Variants in MINDY3 observed in about 807,000 individuals in gnomAD.
The protein encoded by MINDY3 is MINDY lysine 48 deubiquitinase 3.
MINDY3 carries 38 observed loss-of-function variants against 69.2 expected under a neutral mutation model. The ratio of observed to expected loss-of-function variants is 0.55; its 90% CI spans 0.42 to 0.72. MINDY3 has a LOEUF of 0.72. Ranked by LOEUF, MINDY3 falls within the 30% of genes least tolerant of loss-of-function variation. MINDY3 has a pLI of 0.00. For missense variants in MINDY3, 522 were observed against 519.0 expected (o/e 1.01, Z -0.06); for synonymous variants, 192 against 180.1 (o/e 1.07, Z -0.53).
At chr10:15,849,288 G>T (rs1472994905) in intron 1 of MINDY3, among the ~76,000 whole-genome samples, 1 of 152,124 alleles carries the variant, frequency 6.6e-6, no homozygotes, top group African/African-American at 2.4e-5. Flanking sequence ...ATAAATCAGA[G>T]AAAATTTAAC....
chr10:15,807,451 CA>C (rs1838714997), intron 10 of MINDY3, among the ~76,000 whole-genome samples: 1 of 152,164 alleles, frequency 6.6e-6, no homozygotes, highest in African/African-American at 2.4e-5. Context: ...AAAGCATGTG[CA>C]AACACACACA....
At chr10:15,811,988 T>C (rs1839033817) in intron 10 of MINDY3, among the ~76,000 whole-genome samples, 1 of 152,078 alleles carries the variant, frequency 6.6e-6, no homozygotes, top group Non-Finnish European at 1.5e-5. Flanking sequence ...TTCACCCAGG[T>C]TGGAGTGAAG....
rs941742122 is a variant in MINDY3 at position 15,834,429 on chromosome 10, G to A, written c.650+114C>T. The A allele has an allele frequency of 6.0e-6, 4 of 669,514 alleles. No homozygotes were observed. The African/African-American group carries it at 7.2e-5, about 12-fold the overall frequency. 41.5% of individuals were successfully genotyped at this position (669,514 alleles called of 1,614,324 possible). A position where few individuals can be genotyped will look rare whatever the true frequency, so the allele number is the denominator to read the frequency against. On this transcript the variant is annotated intron_variant, in intron 7 of 14. Coordinates refer to ENST00000277632, the MANE Select transcript of MINDY3 (RefSeq NM_024948.4). Reference sequence around the variant, plus strand: ...AGAAGTGCTCAAATCCATACATGTTGTACTGTCAACACTACTGACAAACAA... The same window carrying A: ...AGAAGTGCTCAAATCCATACATGTTATACTGTCAACACTACTGACAAACAA...
chr10:15,853,005 G>A (rs1490697788), intron 1 of MINDY3, among the ~76,000 whole-genome samples: 1 of 152,094 alleles, frequency 6.6e-6, no homozygotes, highest in Non-Finnish European at 1.5e-5. Flanking sequence ...GAAGTCGTGT[G>A]TAGGTTATAT....
chr10:15,803,828 C>A (rs1018893671), intron 10 of MINDY3, among the ~76,000 whole-genome samples: 1 of 152,052 alleles, frequency 6.6e-6, no homozygotes, highest in African/African-American at 2.4e-5. Flanking sequence ...CTACACTCCC[C>A]CACCACACAC....
intron 5 of MINDY3, chr10:15,837,720 T>G (rs1408457675): frequency 1.9e-6 from 2 of 1,062,790 alleles, no homozygotes; most frequent in African/African-American, 3.4e-5. Context: ...AAAGATAACT[T>G]ACACATTTGC....
chr10:15,799,359 C>T (rs909225704), intron 10 of MINDY3, among the ~76,000 whole-genome samples: 7 of 152,080 alleles, frequency 4.6e-5, no homozygotes, highest in Non-Finnish European at 7.4e-5. Flanking sequence ...CCACCATGCC[C>T]GGCTAATTTT....
At chr10:15,792,479 A>T (rs1837493489) in intron 11 of MINDY3, among the ~76,000 whole-genome samples, 2 of 152,146 alleles carry the variant, frequency 1.3e-5, no homozygotes, top group South Asian at 2.1e-4. Context: ...GGGATGCCTG[A>T]CAGAAACAGT....
At chr10:15,834,338 C>G (rs377302241) in intron 7 of MINDY3, among the ~76,000 whole-genome samples, 60 of 151,968 alleles carry the variant, frequency 3.9e-4, no homozygotes, top group African/African-American at 1.3e-3. Context: ...AAATATTTGC[C>G]CCAATAAATG....
intron 12 of MINDY3, among the ~76,000 whole-genome samples, chr10:15,788,186 A>G (rs1299697232): frequency 6.6e-6 from 1 of 152,140 alleles, no homozygotes; most frequent in African/African-American, 2.4e-5. Flanking sequence ...CATGGTCTCT[A>G]CTTGGAAATA....
At chr10:15,784,459 A>G (rs956858686) in intron 13 of MINDY3, among the ~76,000 whole-genome samples, 5 of 152,146 alleles carry the variant, frequency 3.3e-5, no homozygotes, top group Non-Finnish European at 5.9e-5. Flanking sequence ...ATAAATGTTT[A>G]CTGGGCCTCG....
In MINDY3 at chr10:15,853,031, C is replaced by T. The variant is rs184688959; in HGVS notation, c.95-5088G>A. On this transcript the variant is annotated intron_variant, in intron 1 of 14. Coordinates refer to ENST00000277632, the MANE Select transcript of MINDY3 (RefSeq NM_024948.4). Reference sequence around the variant, plus strand: ...TAGGTTATATGCAAATACTGCAGAGCGTCTATGGATTTTGGTATCTGCAGG... The same window carrying T: ...TAGGTTATATGCAAATACTGCAGAGTGTCTATGGATTTTGGTATCTGCAGG... 4.0e-3 allele frequency among the ~76,000 whole-genome samples: 605 copies of T among 152,122 alleles called. 6 individuals carry two copies. Among genetic ancestry groups the T allele is most frequent in the African/African-American group, 0.013 (534 of 41,468 alleles).
chr10:15,852,299 G>C (rs1289619670), intron 1 of MINDY3, among the ~76,000 whole-genome samples: 5 of 152,156 alleles, frequency 3.3e-5, no homozygotes, highest in Non-Finnish European at 1.5e-5. Context: ...GATAATGGCA[G>C]TGTTTGTTTC....
At chr10:15,781,014 G>A (rs950434150) in intron 14 of MINDY3, among the ~76,000 whole-genome samples, 1 of 152,074 alleles carries the variant, frequency 6.6e-6, no homozygotes, top group Non-Finnish European at 1.5e-5. Flanking sequence ...GATTGTGTAG[G>A]TGAATAATTA....
intron 5 of MINDY3, chr10:15,837,755 T>G (rs1291151577): frequency 9.6e-7 from 1 of 1,038,142 alleles, no homozygotes; most frequent in African/African-American, 1.7e-5. Flanking sequence ...GAAATTAATG[T>G]TACATTTTAA....
rs1165798296 is a variant in MINDY3, at chr10:15,847,922, T to C, written c.116A>G (p.Glu39Gly). The C allele has an allele frequency of 6.2e-7, 1 of 1,613,802 alleles. No individual in the cohort carries two copies. The highest frequency in any genetic ancestry group is 8.5e-7 in the Non-Finnish European group (1 of 1,179,848). The change falls in exon 2 of 15, where the codon GAG (glutamate) becomes GGG (glycine). Residue 39 changes from glutamate to glycine, a missense_variant. Physicochemically the swap from Glu to Gly is moderately conservative, Grantham distance 98 (BLOSUM62 -2). Transcript: ENST00000277632. ...TTCAAACTGTTCTAATGCAGATCCC[T>C]CTGATTCACTAAACACAAACCCTAA... ...WTQGFVFSES[E>G]GSALEQFEGG...
chr10:15,785,036 C>G (rs568562097), intron 13 of MINDY3, among the ~76,000 whole-genome samples: 2 of 152,254 alleles, frequency 1.3e-5, no homozygotes, highest in Admixed American at 6.5e-5. Context: ...CACATTGCTG[C>G]ACCCACCCTT....
chr10:15,840,166 T>C (rs1588630339), intron 4 of MINDY3, among the ~76,000 whole-genome samples: 2 of 151,666 alleles, frequency 1.3e-5, no homozygotes, highest in African/African-American at 4.8e-5. Context: ...AATTTTAATA[T>C]CCTAAATGAA....
chr10:15,795,466 G>A (rs185231940), intron 11 of MINDY3, among the ~76,000 whole-genome samples: 23 of 152,138 alleles, frequency 1.5e-4, no homozygotes, highest in East Asian at 1.2e-3. Flanking sequence ...ACGGTACTTC[G>A]TAAGGGAACT....
Sources: allele counts gnomAD v4.1 joint callset (sites outside exome capture counted in the v4.1 genomes callset), GRCh38; gene constraint gnomAD v4.1.1; transcripts MANE v1.5; gene names NCBI Gene and HGNC (gene_info 2026-07-23, HGNC 2026-07-21).